The following RNF144B variants were observed in gnomAD, a reference collection of about 807,000 sequenced individuals.
RNF144B encodes E3 ubiquitin-protein ligase RNF144B.
RNF144B carries 25 observed loss-of-function variants against 40.2 expected under a neutral mutation model. That is an observed-to-expected ratio of 0.62 (90% CI 0.45 to 0.87). The LOEUF is 0.87. Ranked by LOEUF, RNF144B falls within the 40% of genes least tolerant of loss-of-function variation. The pLI is 0.00. For missense variants in RNF144B, 365 were observed against 373.7 expected, an observed-to-expected ratio of 0.98 and a Z score of 0.19; for synonymous variants, 145 against 136.3, an observed-to-expected ratio of 1.06 and a Z score of -0.44.
intron 4 of RNF144B, among the ~76,000 whole-genome samples, chr6:18,453,254 T>C (rs1275072802): frequency 2.0e-5 from 3 of 147,710 alleles, no homozygotes; most frequent in African/African-American, 7.5e-5. Context: ...TTCTCCTGCC[T>C]CAGCCTCCCT....
chr6:18,394,465 G>T (rs528674875), intron 1 of RNF144B, among the ~76,000 whole-genome samples: 3 of 152,076 alleles, frequency 2.0e-5, no homozygotes, highest in Non-Finnish European at 2.9e-5. Context: ...CGGCGTGGTG[G>T]TGGGCACCTG....
chr6:18,408,877 C>T (rs550732495), intron 2 of RNF144B, among the ~76,000 whole-genome samples: 28 of 151,668 alleles, frequency 1.8e-4, no homozygotes, highest in Admixed American at 1.8e-3. Context: ...GTTAAAGACA[C>T]AAATCCGTGA....
chr6:18,388,285 A>G (rs1794508437), intron 1 of RNF144B, among the ~76,000 whole-genome samples: 1 of 152,092 alleles, frequency 6.6e-6, no homozygotes, highest in Admixed American at 6.5e-5. Flanking sequence ...TATCTTATCA[A>G]AACATTAGCT....
At position 18,404,637 on chromosome 6, in the gene RNF144B, CTT is replaced by C. The variant is rs1794859099; in HGVS notation, c.165+4941_165+4942del. 3.9e-5 allele frequency among the ~76,000 whole-genome samples: 6 copies of C among 152,158 alleles called. 1 individual carries two copies. Among genetic ancestry groups the C allele is most frequent in the Admixed American group, 3.9e-4 (6 of 15,282 alleles). ...GCAGTTAGGATAGAGAGAAATGTCT[CTT>C]TTGGATTTGTTCAAAGTGTGGCTTT... On this transcript the variant is annotated intron_variant, in intron 2 of 7. Coordinates refer to ENST00000259939, the MANE Select transcript of RNF144B (RefSeq NM_182757.4).
At chr6:18,436,236 C>T (rs192608477) in intron 3 of RNF144B, among the ~76,000 whole-genome samples, 4 of 152,114 alleles carry the variant, frequency 2.6e-5, no homozygotes, top group Admixed American at 1.3e-4. Context: ...CTGGCCTGGA[C>T]TCTTCAAACT....
Position 18,442,959 on chromosome 6 carries a change from A to G in RNF144B, c.331+3215A>G, listed in dbSNP as rs1758997098. ...GTTGATGGACATTTCAGTTGTTTCC[A>G]CCTTTTGGCTACTGTAAGTAATGCT... On this transcript the variant is annotated intron_variant, in intron 4 of 7. Transcript: ENST00000259939. This position sits in a 1 kb window ranked among gnomAD's most constrained non-coding sequence, Gnocchi z 4.3. 6.6e-6 allele frequency among the ~76,000 whole-genome samples: 1 copy of G among 152,046 alleles called. No individual in the cohort carries two copies. The highest frequency in any genetic ancestry group is 6.6e-5 in the Admixed American group (1 of 15,260).
intron 3 of RNF144B, among the ~76,000 whole-genome samples, chr6:18,439,385 G>C (rs1758905092): frequency 6.6e-6 from 1 of 152,138 alleles, no homozygotes; most frequent in Admixed American, 6.6e-5. Flanking sequence ...AATTTTAGAA[G>C]TCCCTGTAAT....
rs1759142687 is a variant in RNF144B, at chr6:18,448,772, CCTA to C, written c.332-8380_332-8378del. On this transcript the variant is annotated intron_variant, in intron 4 of 7. Coordinates refer to ENST00000259939, the MANE Select transcript of RNF144B (RefSeq NM_182757.4). The surrounding 1 kb of genome is among the most constrained non-coding windows in gnomAD (Gnocchi z 4.0). ...TTCATGAAACTAATGTGAGATGCAC[CCTA>C]CTTTCTTTTCTAATCTGTTTCATTT... 6.6e-6 allele frequency among the ~76,000 whole-genome samples: 1 copy of C among 151,360 alleles called. No individual in the cohort carries two copies. Among genetic ancestry groups the C allele is most frequent in the Non-Finnish European group, 1.5e-5 (1 of 67,862 alleles).
rs904771112 is a variant in RNF144B, at chr6:18,425,461, C to A, written c.166-2120C>A. Among the ~76,000 whole-genome samples, 1 of 152,152 alleles carries A rather than the reference C, an allele frequency of 6.6e-6. No individual in the cohort carries two copies. Among genetic ancestry groups the A allele is most frequent in the Non-Finnish European group, 1.5e-5 (1 of 68,016 alleles). The stretch of plus-strand genomic sequence containing the variant: ...CTGGCAAAACACTCCTTTTGGTGAG[C>A]CGCCTTGACTGTTCCCCTGGGTGTT... On this transcript the variant is annotated intron_variant, in intron 2 of 7. Coordinates refer to ENST00000259939, the MANE Select transcript of RNF144B (RefSeq NM_182757.4). This position sits in a 1 kb window ranked among gnomAD's most constrained non-coding sequence, Gnocchi z 4.2.
Position 18,448,170 on chromosome 6 carries a change from TGAAAG to T in RNF144B, c.331+8430_331+8434del, listed in dbSNP as rs1343448078. ...TGTTTTGTTTTGTTTTGTTTTTTCTTGAAAGGAACTTATGATCCAGCAGAAAGGGA... is the reference window on the plus strand; with the variant it reads ...TGTTTTGTTTTGTTTTGTTTTTTCTTGAACTTATGATCCAGCAGAAAGGGA... On this transcript the variant is annotated intron_variant, in intron 4 of 7. Transcript: ENST00000259939. This position sits in a 1 kb window ranked among gnomAD's most constrained non-coding sequence, Gnocchi z 4.0. 1.3e-5 allele frequency among the ~76,000 whole-genome samples: 2 copies of T among 152,062 alleles called. No homozygotes were observed. Among genetic ancestry groups the T allele is most frequent in the Non-Finnish European group, 2.9e-5 (2 of 68,016 alleles).
In RNF144B at chr6:18,459,863, G is replaced by A; in HGVS notation, c.681+112G>A. The A allele has an allele frequency of 1.0e-6, 1 of 994,784 alleles. No homozygotes were observed. The highest frequency in any genetic ancestry group is 1.5e-6 in the Non-Finnish European group (1 of 681,848). 61.6% of individuals were successfully genotyped at this position (994,784 alleles called of 1,614,324 possible). A position where few individuals can be genotyped will look rare whatever the true frequency, so the allele number is the denominator to read the frequency against. On this transcript the variant is annotated intron_variant, in intron 6 of 7. Transcript: ENST00000259939. This position sits in a 1 kb window ranked among gnomAD's most constrained non-coding sequence, Gnocchi z 4.2. ...TTGGGGCAATTTTTGTCCTGCAAAA[G>A]GAATTTATTTTTCTTAATGAGACTT...
intron 6 of RNF144B, among the ~76,000 whole-genome samples, chr6:18,461,717 C>G (rs377131051): frequency 3.0e-4 from 46 of 152,262 alleles, no homozygotes; most frequent in African/African-American, 1.1e-3. Flanking sequence ...TCAGTTTTAG[C>G]CAGGGGCATT....
In RNF144B at chr6:18,425,774, C is replaced by G. The variant is rs1758534994; in HGVS notation, c.166-1807C>G. Among the ~76,000 whole-genome samples, 1 of 152,086 alleles carries G rather than the reference C, an allele frequency of 6.6e-6. No homozygotes were observed. Among genetic ancestry groups the G allele is most frequent in the South Asian group, 2.1e-4 (1 of 4,832 alleles). On this transcript the variant is annotated intron_variant, in intron 2 of 7. Transcript: ENST00000259939. The surrounding 1 kb of genome is among the most constrained non-coding windows in gnomAD (Gnocchi z 4.2). ...GTCTTTTAAATATCATTTGAAGACT[C>G]TTTTCATGATTCTGCACATTCTATC...
rs968037521 is a variant in RNF144B at position 18,405,048 on chromosome 6, A to C, written c.165+5349A>C. 2.6e-5 allele frequency among the ~76,000 whole-genome samples: 4 copies of C among 152,130 alleles called. No individual in the cohort carries two copies. The highest frequency in any genetic ancestry group is 6.5e-5 in the Admixed American group (1 of 15,268). ...GCTCCAGATTCCCACGTCTTCTACT[A>C]CTATTAAATGGGCCGAACTAAGTTC... On this transcript the variant is annotated intron_variant, in intron 2 of 7. Transcript: ENST00000259939. This position sits in a 1 kb window ranked among gnomAD's most constrained non-coding sequence, Gnocchi z 4.5.
Position 18,406,753 on chromosome 6 carries a change from A to G in RNF144B, c.165+7054A>G, listed in dbSNP as rs1042079344. On this transcript the variant is annotated intron_variant, in intron 2 of 7. Transcript: ENST00000259939. This position sits in a 1 kb window ranked among gnomAD's most constrained non-coding sequence, Gnocchi z 4.2. ...ATGGATTGGATGATGCCTGCTCGCA[A>G]TGGGGAGGGTAAACTGCTTTACTCA... 2.6e-5 allele frequency among the ~76,000 whole-genome samples: 4 copies of G among 151,984 alleles called. No homozygotes were observed. Among genetic ancestry groups the G allele is most frequent in the East Asian group, 1.9e-4 (1 of 5,160 alleles).
intron 1 of RNF144B, chr6:18,396,631 GTTTTAC>G (rs909294351): frequency 1.0e-6 from 1 of 985,102 alleles, no homozygotes; most frequent in African/African-American, 1.7e-5. Context: ...TCTTCTTGTT[GTTTTAC>G]TTGGGATTTC....
chr6:18,399,354 C>A, intron 1 of RNF144B, 145 bp from the exon 2 acceptor site: 1 of 605,782 alleles, frequency 1.7e-6, no homozygotes, highest in Non-Finnish European at 2.8e-6. Context: ...GAACCACTCT[C>A]TAGCCCGTCG....
Position 18,398,776 on chromosome 6 carries a change from A to C in RNF144B, c.-36-723A>C, listed in dbSNP as rs1794739032. On this transcript the variant is annotated intron_variant, in intron 1 of 7. Coordinates refer to ENST00000259939, the MANE Select transcript of RNF144B (RefSeq NM_182757.4). This position sits in a 1 kb window ranked among gnomAD's most constrained non-coding sequence, Gnocchi z 5.0. Reference sequence around the variant, plus strand: ...TGTTGCTATGAATATGGGTGTACAAATATCTCTTTGAGACCCTGCTTTCAG... The same window carrying C: ...TGTTGCTATGAATATGGGTGTACAACTATCTCTTTGAGACCCTGCTTTCAG... 6.6e-6 allele frequency among the ~76,000 whole-genome samples: 1 copy of C among 152,114 alleles called. No individual in the cohort carries two copies. Among genetic ancestry groups the C allele is most frequent in the African/African-American group, 2.4e-5 (1 of 41,414 alleles).
In RNF144B at chr6:18,399,481, C is replaced by G; in HGVS notation, c.-36-18C>G. ...TTATCAATCCATATAATATTTTCTG[C>G]TTTGGACCTTTCTATAGGGATTGAG... On this transcript the variant is annotated intron_variant, in intron 1 of 7. Transcript: ENST00000259939. 6.4e-7 allele frequency: 1 copy of G among 1,567,884 alleles called. No homozygotes were observed. The highest frequency in any genetic ancestry group is 8.7e-7 in the Non-Finnish European group (1 of 1,147,268).
Sources: allele counts gnomAD v4.1 joint callset (sites outside exome capture counted in the v4.1 genomes callset), GRCh38; gene constraint gnomAD v4.1.1; non-coding constraint Gnocchi (gnomAD v3.1); transcripts MANE v1.5; gene names NCBI Gene and HGNC (gene_info 2026-07-23, HGNC 2026-07-21).